Variants in SDK1 observed in about 807,000 individuals in gnomAD.
SDK1 encodes the protein protein sidekick-1.
A neutral mutation model predicts 245.5 loss-of-function variants in SDK1; 157 were observed. The observed-to-expected ratio is 0.64, with a 90% CI of 0.56 to 0.73. The LOEUF (loss-of-function observed/expected upper bound fraction) is 0.73, where lower values mean the gene tolerates loss of function less well. SDK1 is among the 30% of genes least tolerant of loss of function. SDK1 has a pLI of 0.00. For missense variants in SDK1, 3,583 were observed against 3,002.3 expected (o/e 1.19, Z -4.52); for synonymous variants, 1,647 against 1,278.5 (o/e 1.29, Z -6.15).
chr7:3,657,175 G>T (rs1783212687), intron 4 of SDK1, among the ~76,000 whole-genome samples: 1 of 152,160 alleles, frequency 6.6e-6, no homozygotes, highest in Non-Finnish European at 1.5e-5. Flanking sequence ...CAGGGTGTGT[G>T]TCCCACCCAG....
At chr7:3,460,121 T>G (rs1359143075) in intron 1 of SDK1, among the ~76,000 whole-genome samples, 1 of 152,214 alleles carries the variant, frequency 6.6e-6, no homozygotes, top group East Asian at 1.9e-4. Context: ...CATAAACTAT[T>G]GCTTCCTGAA....
intron 5 of SDK1, among the ~76,000 whole-genome samples, chr7:3,840,527 A>G (rs1182567530): frequency 6.6e-6 from 1 of 152,194 alleles, no homozygotes; most frequent in East Asian, 1.9e-4. Context: ...GGAACTTGTT[A>G]GAAATGCAGA....
chr7:3,651,198 C>G (rs1783004872), intron 4 of SDK1, among the ~76,000 whole-genome samples: 1 of 150,986 alleles, frequency 6.6e-6, no homozygotes, highest in South Asian at 2.1e-4. Flanking sequence ...ATCCCACCAG[C>G]AATGTACGAA....
intron 1 of SDK1, among the ~76,000 whole-genome samples, chr7:3,469,111 C>G (rs1044188907): frequency 6.6e-6 from 1 of 152,016 alleles, no homozygotes; most frequent in East Asian, 1.9e-4. Context: ...TTTGAAATTT[C>G]GAATTTCGTG....
At chr7:4,171,461 G>A (rs1781833129) in intron 32 of SDK1, among the ~76,000 whole-genome samples, 1 of 152,184 alleles carries the variant, frequency 6.6e-6, no homozygotes, top group Admixed American at 6.5e-5. Flanking sequence ...ATTTAGCTGG[G>A]TGTCTTGTTT....
At position 3,651,129 on chromosome 7, in the gene SDK1, A is replaced by T. The variant is rs1327999293; in HGVS notation, c.713+9024A>T. On this transcript the variant is annotated intron_variant, in intron 4 of 44. Transcript: ENST00000404826. ...GTATGGTATTTGCATGTTTAGTTTT[A>T]GTTTTTTTTTTTTTTTTAAATGCCA... 5.6e-4 allele frequency among the ~76,000 whole-genome samples: 32 copies of T among 57,654 alleles called. 1 individual carries two copies. In the East Asian group the frequency reaches 0.013, roughly 23 times the overall value. The allele number at this position is 57,654 out of a possible 152,430, so 37.8% of individuals were successfully genotyped here.
At chr7:4,007,505 C>A (rs907276319) in intron 14 of SDK1, among the ~76,000 whole-genome samples, 1 of 152,104 alleles carries the variant, frequency 6.6e-6, no homozygotes, top group African/African-American at 2.4e-5. Flanking sequence ...AGCTGTCCAG[C>A]ACCCTGGGCC....
chr7:4,004,546 A>G lies in SDK1; in HGVS notation c.2132-6420A>G, dbSNP rs551521120. ...TAAAATGCTCCATGCTGGCAATGCT[A>G]TGACAAAAATAGACACTTTCTAAGA... On this transcript the variant is annotated intron_variant, in intron 14 of 44. Transcript: ENST00000404826. Among the ~76,000 whole-genome samples the G allele has an allele frequency of 1.2e-3, 190 of 152,348 alleles. 1 individual carries two copies. The highest frequency in any genetic ancestry group is 4.3e-3 in the African/African-American group (178 of 41,586).
chr7:3,760,098 T>C (rs1410585336), intron 4 of SDK1, among the ~76,000 whole-genome samples: 2 of 150,654 alleles, frequency 1.3e-5, no homozygotes, highest in African/African-American at 2.5e-5. Context: ...GCATTGTGCA[T>C]GTTTGTAAAA....
At chr7:3,500,343 G>A in intron 1 of SDK1, among the ~76,000 whole-genome samples, 1 of 152,178 alleles carries the variant, frequency 6.6e-6, no homozygotes, top group Middle Eastern at 3.4e-3. Context: ...AACGTCATGA[G>A]AAATGCATTC....
chr7:3,769,463 T>G (rs1270527654), intron 4 of SDK1, among the ~76,000 whole-genome samples: 3 of 152,188 alleles, frequency 2.0e-5, no homozygotes, highest in South Asian at 2.1e-4. Context: ...ATTAATATAT[T>G]AATCCATGGA....
intron 9 of SDK1, among the ~76,000 whole-genome samples, chr7:3,966,412 C>T (rs1400232949): frequency 6.6e-6 from 1 of 152,102 alleles, no homozygotes; most frequent in East Asian, 1.9e-4. Flanking sequence ...TCCGGTTAAT[C>T]GTTATTGGGT....
chr7:4,245,794 T>A lies in SDK1; in HGVS notation c.6370T>A (p.Ser2124Thr). 1 of 1,613,860 alleles carries A rather than the reference T, an allele frequency of 6.2e-7. No individual in the cohort carries two copies. Among genetic ancestry groups the A allele is most frequent in the Non-Finnish European group, 8.5e-7 (1 of 1,179,954 alleles). Reference sequence around the variant, plus strand: ...CCTCAAGGAGAAGTCGGCAGATGCATCAGAATCTGAGGTCAGTGTCGGTGC... The same window carrying A: ...CCTCAAGGAGAAGTCGGCAGATGCAACAGAATCTGAGGTCAGTGTCGGTGC... ...VSLKEKSADA[S>T]ESEATDSDYE... Residue 2124 changes from serine (S) to threonine (T), a missense_variant, in exon 44 of 45, where the codon TCA (serine) becomes ACA (threonine). Physicochemically the swap from Ser to Thr is moderately conservative, Grantham distance 58. Coordinates refer to ENST00000404826, the MANE Select transcript of SDK1 (RefSeq NM_152744.4).
At chr7:3,944,714 G>A (rs1780506415) in intron 5 of SDK1, among the ~76,000 whole-genome samples, 1 of 152,130 alleles carries the variant, frequency 6.6e-6, no homozygotes, top group Non-Finnish European at 1.5e-5. Context: ...GCTTACAAAA[G>A]GAGCAAAAAA....
At chr7:3,480,371 C>G (rs1357684641) in intron 1 of SDK1, among the ~76,000 whole-genome samples, 2 of 151,960 alleles carry the variant, frequency 1.3e-5, no homozygotes, top group Non-Finnish European at 2.9e-5. Flanking sequence ...GTAGGAACTA[C>G]TGGAAGAACT....
At chr7:3,959,510 G>A (rs1294455678) in intron 8 of SDK1, among the ~76,000 whole-genome samples, 1 of 152,194 alleles carries the variant, frequency 6.6e-6, no homozygotes, top group Non-Finnish European at 1.5e-5. Context: ...GCCAAAGCTG[G>A]GAGTGCGTCC....
chr7:3,733,810 A>T (rs550269871), intron 4 of SDK1, among the ~76,000 whole-genome samples: 1 of 152,322 alleles, frequency 6.6e-6, no homozygotes, highest in East Asian at 1.9e-4. Context: ...TGTAACACTC[A>T]TAACGCCGAT....
chr7:3,890,524 T>C (rs774234827), intron 5 of SDK1, among the ~76,000 whole-genome samples: 11 of 152,296 alleles, frequency 7.2e-5, no homozygotes, highest in South Asian at 2.1e-4. Context: ...ACATGGACTA[T>C]GCACACGTTG....
chr7:3,503,853 T>G (rs1358906154), intron 1 of SDK1, among the ~76,000 whole-genome samples: 1 of 152,008 alleles, frequency 6.6e-6, no homozygotes, highest in Non-Finnish European at 1.5e-5. Flanking sequence ...TTAATAATGT[T>G]AAAATATGTA....
Sources: allele counts gnomAD v4.1 joint callset (sites outside exome capture counted in the v4.1 genomes callset), GRCh38; gene constraint gnomAD v4.1.1; transcripts MANE v1.5; gene names NCBI Gene and HGNC (gene_info 2026-07-23, HGNC 2026-07-21).